The following IKZF1 variants were observed in gnomAD, a reference collection of about 807,000 sequenced individuals.
IKZF1 encodes the protein DNA-binding protein Ikaros.
Under a neutral mutation model 51.7 loss-of-function variants are expected in IKZF1, and 10 were observed. The ratio of observed to expected loss-of-function variants is 0.19; its 90% confidence interval spans 0.12 to 0.33. The LOEUF is 0.33. IKZF1 is among the 10% of genes least tolerant of loss of function. The probability of loss-of-function intolerance (pLI) is 1.00; values close to 1 mark genes in which losing one functional copy is unlikely to be tolerated. For missense variants in IKZF1, 484 were observed against 707.5 expected (o/e 0.68, Z 3.58); for synonymous variants, 280 against 282.3 (o/e 0.99, Z 0.08).
intron 7 of IKZF1, among the ~76,000 whole-genome samples, chr7:50,392,316 T>C (rs1441946877): frequency 1.3e-5 from 2 of 152,194 alleles, no homozygotes; most frequent in African/African-American, 4.8e-5. Flanking sequence ...ATACAGTGAC[T>C]GACCCCTGAG....
intron 3 of IKZF1, among the ~76,000 whole-genome samples, chr7:50,346,370 T>C (rs1016078795): frequency 2.0e-5 from 3 of 152,198 alleles, no homozygotes; most frequent in African/African-American, 7.2e-5. Context: ...CTAAATCTGC[T>C]TGTCTCTAAA....
At chr7:50,336,753 C>A (rs1264887603) in intron 3 of IKZF1, among the ~76,000 whole-genome samples, 23 of 152,156 alleles carry the variant, frequency 1.5e-4, no homozygotes, top group Non-Finnish European at 2.9e-4. Context: ...GGGAACTGTA[C>A]CCAGAGTAGG....
intron 4 of IKZF1, chr7:50,377,114 C>T (rs1250415553): frequency 6.5e-5 from 20 of 309,536 alleles, no homozygotes; most frequent in South Asian, 5.0e-4. Flanking sequence ...CCTCAGGGTA[C>T]GTGTGCTGAG....
intron 4 of IKZF1, among the ~76,000 whole-genome samples, chr7:50,377,628 A>G (rs1432398533): frequency 6.6e-6 from 1 of 152,270 alleles, no homozygotes; most frequent in Non-Finnish European, 1.5e-5. Context: ...AGAGTTGTCC[A>G]ACAGAACTGT....
chr7:50,397,543 G>C (rs920129486), intron 7 of IKZF1, among the ~76,000 whole-genome samples: 17 of 152,160 alleles, frequency 1.1e-4, no homozygotes, highest in African/African-American at 3.9e-4. Context: ...CCCTTTTGGT[G>C]GGGCTGTAAA....
At chr7:50,387,299 G>A (rs773588250) in intron 5 of IKZF1, 46 bp from the exon 6 acceptor site, 2 of 1,592,634 alleles carry the variant, frequency 1.3e-6, no homozygotes, top group Admixed American at 1.7e-5. Context: ...TTACACAGAA[G>A]GCTGGCATTT....
At chr7:50,343,067 T>C (rs183574959) in intron 3 of IKZF1, among the ~76,000 whole-genome samples, 23 of 151,746 alleles carry the variant, frequency 1.5e-4, no homozygotes, top group African/African-American at 5.6e-4. Flanking sequence ...TTAATTTTCC[T>C]CCTTTCTCTT....
rs748425150 is a variant in IKZF1, at chr7:50,399,869, C to A, written c.851-49C>A. On this transcript the variant is annotated intron_variant, in intron 7 of 7. Transcript: ENST00000331340. ...TTCAGCTGTTGCTGCCAGACCTGAC[C>A]GGTTCCGGAGGTGGCCGCGCCCCAC... The A allele has an allele frequency of 2.6e-6, 4 of 1,559,130 alleles. No homozygotes were observed. The African/African-American group carries it at 5.5e-5, about 21-fold the overall frequency.
At chr7:50,386,277 T>G (rs1813348637) in intron 5 of IKZF1, among the ~76,000 whole-genome samples, 1 of 152,236 alleles carries the variant, frequency 6.6e-6, no homozygotes, top group Non-Finnish European at 1.5e-5. Flanking sequence ...AAACTCATTA[T>G]ATAGAACTGC....
At chr7:50,358,396 C>G (rs1484027879) in intron 3 of IKZF1, among the ~76,000 whole-genome samples, 1 of 152,248 alleles carries the variant, frequency 6.6e-6, no homozygotes, top group East Asian at 1.9e-4. Flanking sequence ...GTGGGCCAAT[C>G]TCGCGTGAAG....
chr7:50,327,355 CATATT>C (rs1311193926), intron 2 of IKZF1: 3 of 247,602 alleles, frequency 1.2e-5, no homozygotes, highest in African/African-American at 2.2e-5. Flanking sequence ...AATGTCACCT[CATATT>C]ATTTATAGTA....
At chr7:50,324,485 C>CAAA in intron 2 of IKZF1, among the ~76,000 whole-genome samples, 1 of 152,236 alleles carries the variant, frequency 6.6e-6, no homozygotes, top group South Asian at 2.1e-4. Flanking sequence ...CTCCCTTCTC[C>CAAA]CCATGTGGTT....
chr7:50,335,938 C>T (rs1254963884), intron 3 of IKZF1, among the ~76,000 whole-genome samples: 1 of 151,996 alleles, frequency 6.6e-6, no homozygotes, highest in Non-Finnish European at 1.5e-5. Context: ...CGCCCCCTCA[C>T]CCGATCCTGG....
chr7:50,371,488 C>T (rs1808659410), intron 3 of IKZF1, among the ~76,000 whole-genome samples: 2 of 152,226 alleles, frequency 1.3e-5, no homozygotes, highest in Non-Finnish European at 2.9e-5. Flanking sequence ...CTCCTCACTC[C>T]TTGAATGGGA....
intron 3 of IKZF1, among the ~76,000 whole-genome samples, chr7:50,358,374 G>A (rs1426977504): frequency 1.3e-5 from 2 of 152,238 alleles, no homozygotes; most frequent in East Asian, 3.8e-4. Context: ...GGAAGCCAGA[G>A]GTGTGTGAGT....
chr7:50,317,708 T>C (rs1402454346), intron 1 of IKZF1, among the ~76,000 whole-genome samples: 1 of 152,240 alleles, frequency 6.6e-6, no homozygotes, highest in East Asian at 1.9e-4. Context: ...TCATCATGAC[T>C]AATACTGATA....
intron 5 of IKZF1, among the ~76,000 whole-genome samples, chr7:50,383,031 G>A (rs192388865): frequency 7.9e-5 from 12 of 152,276 alleles, no homozygotes; most frequent in Middle Eastern, 3.4e-3. Flanking sequence ...AGGATTTTGC[G>A]GGAAATGTTT....
intron 1 of IKZF1, among the ~76,000 whole-genome samples, chr7:50,316,428 G>A (rs542287381): frequency 6.6e-6 from 1 of 152,220 alleles, no homozygotes; most frequent in Non-Finnish European, 1.5e-5. Context: ...CAGGAGTGGT[G>A]ATAGGGCATG....
At position 50,393,894 on chromosome 7, in the gene IKZF1, C is replaced by T. The variant is rs193179683; in HGVS notation, c.850+2031C>T. The stretch of plus-strand genomic sequence containing the variant: ...TACTGACCTTAAGAAGCAGGGATGG[C>T]GTCCTCTGTCAGGTGAGGAGCCTGG... On this transcript the variant is annotated intron_variant, in intron 7 of 7. Transcript: ENST00000331340. 4.7e-3 allele frequency: 1,103 copies of T among 232,544 alleles called. 36 individuals are homozygous for T. The Admixed American group carries it at 0.053, about 11-fold the overall frequency. 14.4% of individuals were successfully genotyped at this position (232,544 alleles called of 1,614,324 possible).
Sources: gnomAD v4.1 joint callset for allele counts (sites outside exome capture counted in the v4.1 genomes callset) on GRCh38, gnomAD v4.1.1 for gene constraint, MANE v1.5 for transcripts, NCBI Gene and HGNC (gene_info 2026-07-23, HGNC 2026-07-21) for gene names.